ST13: variants seen among roughly 807,000 people sequenced by gnomAD.
The protein encoded by ST13 is ST13 Hsp70 interacting protein, also known as hsc70-interacting protein.
ST13 carries 23 observed loss-of-function variants against 56.7 expected under a neutral mutation model. That is an observed-to-expected ratio of 0.41 (90% CI 0.29 to 0.57). The LOEUF (loss-of-function observed/expected upper bound fraction) is 0.57, where lower values mean the gene tolerates loss of function less well. Ranked by LOEUF, ST13 falls within the 20% of genes least tolerant of loss-of-function variation. The pLI is 0.36. For synonymous variants in ST13, 132 were observed against 142.4 expected, an observed-to-expected ratio of 0.93 and a Z score of 0.52; for missense variants, 369 against 459.9, an observed-to-expected ratio of 0.80 and a Z score of 1.81.
intron 7 of ST13, among the ~76,000 whole-genome samples, chr22:40,833,564 CA>C (rs138336): frequency 0.59 from 68,074 of 115,194 alleles, 18,966 homozygotes; most frequent in African/African-American, 0.71. Flanking sequence ...GACTCCATCT[CA>C]AAAAAAAAAA....
At position 40,844,921 on chromosome 22, in the gene ST13, G is replaced by A. The variant is rs551307471; in HGVS notation, c.245-12C>T. 1.0e-4 allele frequency: 160 copies of A among 1,607,020 alleles called. 1 individual carries two copies. The South Asian group carries it at 1.4e-3, about 14-fold the overall frequency. On this transcript the variant is annotated splice_polypyrimidine_tract_variant and intron_variant, in intron 3 of 11. Transcript: ENST00000216218. ...TTCTTTATCAATTTCTGCCAAAGTC[G>A]AGAAAATGACAATAAGACCTGCACC...
chr22:40,839,349 A>T (rs2057791798), intron 5 of ST13, among the ~76,000 whole-genome samples: 2 of 152,338 alleles, frequency 1.3e-5, no homozygotes, highest in African/African-American at 4.8e-5. Flanking sequence ...GCATCTAGTC[A>T]ACTATGGCAT....
At position 40,850,731 on chromosome 22, in the gene ST13, G is replaced by C. The variant is rs957858433; in HGVS notation, c.168+92C>G. On this transcript the variant is annotated intron_variant, in intron 2 of 11. Transcript: ENST00000216218. ...TTCCAAGTGATCTTGGGGAAATCAGGAGTGATAACTGGAGAGCAGCAGTTT... is the reference window on the plus strand; with the variant it reads ...TTCCAAGTGATCTTGGGGAAATCAGCAGTGATAACTGGAGAGCAGCAGTTT... 5.6e-6 allele frequency: 5 copies of C among 898,694 alleles called. No individual in the cohort carries two copies. In the African/African-American group the frequency reaches 8.5e-5, roughly 15 times the overall value. 55.7% of individuals were successfully genotyped at this position (898,694 alleles called of 1,614,324 possible). A position where few individuals can be genotyped will look rare whatever the true frequency, so the allele number is the denominator to read the frequency against.
At chr22:40,828,745 A>C (rs2057740529) in intron 10 of ST13, among the ~76,000 whole-genome samples, 1 of 152,232 alleles carries the variant, frequency 6.6e-6, no homozygotes. Context: ...AGTTAATTAA[A>C]ATATGGCCAT....
intron 8 of ST13, among the ~76,000 whole-genome samples, chr22:40,831,615 TAAG>T (rs1602650295): frequency 6.6e-6 from 1 of 152,198 alleles, no homozygotes; most frequent in African/African-American, 2.4e-5. Context: ...TGCCCTATTT[TAAG>T]AAGAAAACAG....
intron 5 of ST13, among the ~76,000 whole-genome samples, chr22:40,840,149 C>T (rs1236650962): frequency 6.6e-6 from 1 of 151,982 alleles, no homozygotes; most frequent in Non-Finnish European, 1.5e-5. Flanking sequence ...GAATCCGTCT[C>T]AAAAAAACCA....
At chr22:40,844,273 AAAACC>A (rs2057819947) in intron 4 of ST13, among the ~76,000 whole-genome samples, 1 of 152,200 alleles carries the variant, frequency 6.6e-6, no homozygotes, top group South Asian at 2.1e-4. Flanking sequence ...TTTGAGGATA[AAAACC>A]AATCTTTTAA....
rs746287850 is a variant in ST13 at position 40,839,652 on chromosome 22, C to G, written c.382+974G>C. 5.9e-5 allele frequency among the ~76,000 whole-genome samples: 9 copies of G among 152,012 alleles called. No individual in the cohort carries two copies. The South Asian group carries it at 1.0e-3, about 18-fold the overall frequency. ...TGGTAGCACACGCCTGTAATCCCAG[C>G]TACTAGGGAGGCTGAGGCAGGAGAA... On this transcript the variant is annotated intron_variant, in intron 5 of 11. Coordinates refer to ENST00000216218, the MANE Select transcript of ST13 (RefSeq NM_003932.5).
intron 10 of ST13, among the ~76,000 whole-genome samples, chr22:40,829,183 G>A (rs751395495): frequency 2.0e-5 from 3 of 152,152 alleles, no homozygotes; most frequent in Admixed American, 1.3e-4. Flanking sequence ...ATAAGCATAC[G>A]TAGCCTCTAA....
chr22:40,832,266 T>C (rs933461536), intron 8 of ST13: 5 of 480,938 alleles, frequency 1.0e-5, no homozygotes, highest in Admixed American at 2.5e-5. Flanking sequence ...ATGCTAATTA[T>C]AGATTTTCTA....
At chr22:40,845,195 T>C (rs771076160) in intron 3 of ST13, among the ~76,000 whole-genome samples, 34 of 152,204 alleles carry the variant, frequency 2.2e-4, no homozygotes, top group Non-Finnish European at 4.7e-4. Context: ...TCATTGTATA[T>C]AAATACACCA....
At chr22:40,833,786 G>A (rs1054174977) in intron 7 of ST13, among the ~76,000 whole-genome samples, 14 of 151,418 alleles carry the variant, frequency 9.2e-5, no homozygotes, top group African/African-American at 2.9e-4. Context: ...CAGGAGAACC[G>A]CTTGAGCCCG....
At chr22:40,851,984 C>T (rs563634829) in intron 1 of ST13, among the ~76,000 whole-genome samples, 1 of 152,298 alleles carries the variant, frequency 6.6e-6, no homozygotes, top group South Asian at 2.1e-4. Context: ...ACCTCGTAAT[C>T]CGCCAGCCTT....
rs542713527 is a variant in ST13 at position 40,826,110 on chromosome 22, A to C, written c.*428T>G. ...GCATCAGGAACCACATATCCAACAC[A>C]AACTTTATCCTCAAATGAGTTATGT... On this transcript the variant is annotated 3_prime_UTR_variant, in exon 12 of 12. Coordinates refer to ENST00000216218, the MANE Select transcript of ST13 (RefSeq NM_003932.5). 6.5e-6 allele frequency: 1 copy of C among 153,472 alleles called. No individual in the cohort carries two copies. Among genetic ancestry groups the C allele is most frequent in the Non-Finnish European group, 1.5e-5 (1 of 68,590 alleles). The allele number at this position is 153,472 out of a possible 1,614,324, so 9.5% of individuals were successfully genotyped here.
intron 4 of ST13, among the ~76,000 whole-genome samples, chr22:40,843,390 G>T (rs1051912981): frequency 1.3e-5 from 2 of 152,060 alleles, no homozygotes; most frequent in African/African-American, 4.8e-5. Flanking sequence ...AAAAAGTTTT[G>T]GGGGTCCTTG....
rs759154899 is a variant in ST13, at chr22:40,850,803, C to A, written c.168+20G>T. 9 of 1,581,838 alleles carry A rather than the reference C, an allele frequency of 5.7e-6. No homozygotes were observed. The South Asian group carries it at 9.0e-5, about 16-fold the overall frequency. On this transcript the variant is annotated intron_variant, in intron 2 of 11. Coordinates refer to ENST00000216218, the MANE Select transcript of ST13 (RefSeq NM_003932.5). ...TTATAGTACTTTATCACAAAACATA[C>A]AAATGAAATTAAAACTTACCTTGGT...
chr22:40,851,745 GTTC>G (rs916513102), intron 1 of ST13, among the ~76,000 whole-genome samples: 5 of 150,146 alleles, frequency 3.3e-5, no homozygotes, highest in Admixed American at 1.3e-4. Context: ...AACAGAAAGG[GTTC>G]TTTTTTTTTT....
chr22:40,830,078 G>C (rs2057747247), intron 9 of ST13, among the ~76,000 whole-genome samples: 1 of 151,964 alleles, frequency 6.6e-6, no homozygotes, highest in South Asian at 2.1e-4. Context: ...TAGATTTATT[G>C]ATTTGTTTTT....
chr22:40,856,383 G>A (rs371863080), intron 1 of ST13, 48 bp downstream of exon 1: 1 of 1,531,272 alleles, frequency 6.5e-7, no homozygotes, highest in South Asian at 1.1e-5. Context: ...GCTCCCCCCT[G>A]GGGCCGTGCT....
Sources: allele counts gnomAD v4.1 joint callset (sites outside exome capture counted in the v4.1 genomes callset), GRCh38; gene constraint gnomAD v4.1.1; transcripts MANE v1.5; gene names NCBI Gene and HGNC (gene_info 2026-07-23, HGNC 2026-07-21).